SCMH1: variants seen among roughly 807,000 people sequenced by gnomAD.
SCMH1 encodes polycomb protein SCMH1.
In SCMH1, 37 loss-of-function variants were observed where a neutral mutation model predicts 70.8. The ratio of observed to expected loss-of-function variants is 0.52; its 90% confidence interval spans 0.40 to 0.69. SCMH1 has a LOEUF of 0.69. SCMH1 is among the 30% of genes least tolerant of loss of function. SCMH1 has a pLI of 0.00. For synonymous variants in SCMH1, 292 were observed against 307.4 expected, an observed-to-expected ratio of 0.95 and a Z score of 0.52; for missense variants, 607 against 827.3, an observed-to-expected ratio of 0.73 and a Z score of 3.27.
intron 6 of SCMH1, among the ~76,000 whole-genome samples, chr1:41,137,846 T>C (rs1039791897): frequency 6.6e-6 from 1 of 152,230 alleles, no homozygotes; most frequent in African/African-American, 2.4e-5. Flanking sequence ...GCTACTCATA[T>C]AATTTCTTTA....
intron 6 of SCMH1, among the ~76,000 whole-genome samples, chr1:41,123,503 G>A (rs189967121): frequency 6.6e-6 from 1 of 152,270 alleles, no homozygotes; most frequent in African/African-American, 2.4e-5. Context: ...ATCCCCTAGG[G>A]AACATTAAAG....
chr1:41,160,823 C>T, intron 4 of SCMH1, 52 bp downstream of exon 4: 3 of 1,502,452 alleles, frequency 2.0e-6, no homozygotes, highest in Admixed American at 2.0e-5. Flanking sequence ...TAATCTAATC[C>T]CTGGTTTACC....
At chr1:41,053,535 T>C (rs1033313588) in intron 10 of SCMH1, among the ~76,000 whole-genome samples, 1 of 152,206 alleles carries the variant, frequency 6.6e-6, no homozygotes, top group Non-Finnish European at 1.5e-5. Flanking sequence ...TGAAAGTGGA[T>C]CCTTCAGTCC....
chr1:41,129,752 C>A (rs1674162123), intron 6 of SCMH1, among the ~76,000 whole-genome samples: 1 of 152,140 alleles, frequency 6.6e-6, no homozygotes, highest in Admixed American at 6.5e-5. Context: ...TGAGTATATA[C>A]CCAGAAATGG....
At chr1:41,157,779 G>A (rs528742841) in intron 4 of SCMH1, among the ~76,000 whole-genome samples, 1 of 152,272 alleles carries the variant, frequency 6.6e-6, no homozygotes, top group South Asian at 2.1e-4. Context: ...TCTGTCAGAA[G>A]GCTTTGCAGA....
intron 10 of SCMH1, among the ~76,000 whole-genome samples, chr1:41,062,440 C>T (rs1450734631): frequency 6.6e-6 from 1 of 151,528 alleles, no homozygotes; most frequent in African/African-American, 2.4e-5. Flanking sequence ...CCTGTCTCTA[C>T]TAAAAATATA....
At chr1:41,199,977 T>C (rs1429713437) in intron 1 of SCMH1, among the ~76,000 whole-genome samples, 1 of 152,198 alleles carries the variant, frequency 6.6e-6, no homozygotes, top group East Asian at 1.9e-4. Context: ...CCATCCCTAG[T>C]TTACTTATCA....
At chr1:41,101,098 G>C (rs1666513099) in intron 8 of SCMH1, among the ~76,000 whole-genome samples, 1 of 151,710 alleles carries the variant, frequency 6.6e-6, no homozygotes. Flanking sequence ...AAATAGCGGG[G>C]AAAAAAAGAC....
intron 1 of SCMH1, among the ~76,000 whole-genome samples, chr1:41,219,115 C>CT (rs1658706820): frequency 6.6e-6 from 1 of 152,128 alleles, no homozygotes; most frequent in African/African-American, 2.4e-5. Flanking sequence ...AATAAAAACT[C>CT]TTGACACTGA....
intron 2 of SCMH1, among the ~76,000 whole-genome samples, chr1:41,171,920 G>A (rs911401945): frequency 4.6e-5 from 7 of 152,140 alleles, no homozygotes; most frequent in African/African-American, 1.4e-4. Context: ...GGCTGGGCGC[G>A]GTGGCTCACG....
intron 8 of SCMH1, among the ~76,000 whole-genome samples, chr1:41,084,948 AG>A (rs1661166076): frequency 8.0e-6 from 1 of 124,300 alleles, no homozygotes; most frequent in Admixed American, 1.0e-4. Flanking sequence ...GGACACAGGA[AG>A]GGGAATATCA....
chr1:41,162,518 G>A (rs1043705571), intron 2 of SCMH1, among the ~76,000 whole-genome samples: 2 of 152,054 alleles, frequency 1.3e-5, no homozygotes, highest in African/African-American at 2.4e-5. Context: ...GTCCATAAAA[G>A]CCCCAGGATC....
intron 4 of SCMH1, among the ~76,000 whole-genome samples, chr1:41,157,884 G>A (rs1337127911): frequency 1.3e-5 from 2 of 152,088 alleles, no homozygotes; most frequent in Admixed American, 1.3e-4. Context: ...TTTATGGATG[G>A]GGGCTTATAT....
intron 8 of SCMH1, among the ~76,000 whole-genome samples, chr1:41,111,037 T>C (rs1276155489): frequency 1.3e-5 from 2 of 152,240 alleles, no homozygotes; most frequent in African/African-American, 2.4e-5. Flanking sequence ...TAATGATGAA[T>C]GATATTGAGC....
At chr1:41,231,966 C>T (rs1213442597) in intron 1 of SCMH1, among the ~76,000 whole-genome samples, 4 of 149,376 alleles carry the variant, frequency 2.7e-5, no homozygotes, top group African/African-American at 9.9e-5. Context: ...GAGGTTACAG[C>T]GAGCCAAGAT....
chr1:41,211,151 C>A (rs545039147), intron 1 of SCMH1, among the ~76,000 whole-genome samples: 20 of 152,166 alleles, frequency 1.3e-4, no homozygotes, highest in African/African-American at 4.3e-4. Flanking sequence ...GAAACAAAAG[C>A]CAAAATAGAC....
chr1:41,057,843 T>C (rs1044174768), intron 10 of SCMH1, among the ~76,000 whole-genome samples: 1 of 152,006 alleles, frequency 6.6e-6, no homozygotes, highest in African/African-American at 2.4e-5. Context: ...AAATAAAGAA[T>C]GGGCTGGGTA....
intron 12 of SCMH1, among the ~76,000 whole-genome samples, 194 bp from the exon 13 acceptor site, chr1:41,037,735 T>C (rs1290828066): frequency 6.6e-6 from 1 of 152,228 alleles, no homozygotes; most frequent in African/African-American, 2.4e-5. Context: ...CTCTGGACTT[T>C]GGTCTCTTTA....
intron 6 of SCMH1, 147 bp from the exon 7 acceptor site, chr1:41,117,157 T>C (rs548590747): frequency 2.2e-6 from 1 of 455,634 alleles, no homozygotes; most frequent in East Asian, 3.6e-5. Context: ...AGAATAGTTA[T>C]ACTAGATATA....
Sources: allele counts gnomAD v4.1 joint callset (sites outside exome capture counted in the v4.1 genomes callset), GRCh38; gene constraint gnomAD v4.1.1; transcripts MANE v1.5; gene names NCBI Gene and HGNC (gene_info 2026-07-23, HGNC 2026-07-21).